The following RBFOX1 variants were observed in gnomAD, a reference collection of about 807,000 sequenced individuals.
RBFOX1 encodes the protein RNA binding protein fox-1 homolog 1.
A neutral mutation model predicts 57.7 loss-of-function variants in RBFOX1; 8 were observed. That is an observed-to-expected ratio of 0.14 (90% confidence interval 0.08 to 0.25). RBFOX1 has a LOEUF of 0.25. RBFOX1 is among the 10% of genes least tolerant of loss of function. The pLI is 1.00. For synonymous variants in RBFOX1, 326 were observed against 222.4 expected (o/e 1.47, Z -4.15); for missense variants, 611 against 548.5 (o/e 1.11, Z -1.14).
chr16:5,346,919 C>A (rs1028852874), intron 1 of RBFOX1, among the ~76,000 whole-genome samples: 2 of 152,138 alleles, frequency 1.3e-5, no homozygotes, highest in Non-Finnish European at 2.9e-5. Flanking sequence ...TCAGAATGGA[C>A]CCTGGCTTGT....
At chr16:7,226,359 T>TGCATTACACAGGTGG (rs2093120593) in intron 4 of RBFOX1, among the ~76,000 whole-genome samples, 1 of 152,206 alleles carries the variant, frequency 6.6e-6, no homozygotes, top group Admixed American at 6.5e-5. Context: ...AATGCCCACC[T>TGCATTACACAGGTGG]GAAGAGGGAA....
intron 4 of RBFOX1, among the ~76,000 whole-genome samples, chr16:5,960,101 C>T (rs184136621): frequency 1.1e-4 from 17 of 151,848 alleles, no homozygotes; most frequent in African/African-American, 2.7e-4. Context: ...CTTAGGAGGC[C>T]GAGACAGGAG....
chr16:6,417,707 T>TTTAA (rs1555463886), intron 2 of RBFOX1, among the ~76,000 whole-genome samples: 1 of 146,628 alleles, frequency 6.8e-6, no homozygotes, highest in East Asian at 2.0e-4. Flanking sequence ...CCTTTCTTTT[T>TTTAA]AAAAAAAAAA....
At chr16:7,489,272 G>A (rs1647679221) in intron 4 of RBFOX1, among the ~76,000 whole-genome samples, 1 of 152,104 alleles carries the variant, frequency 6.6e-6, no homozygotes, top group South Asian at 2.1e-4. Context: ...TAATGTAAAA[G>A]CAAGTTTTTG....
At chr16:5,270,226 A>C in intron 1 of RBFOX1, 2 of 513,088 alleles carry the variant, frequency 3.9e-6, no homozygotes, top group Non-Finnish European at 7.2e-6. Flanking sequence ...AAGGGAGTTA[A>C]GAAGAAAATA....
intron 3 of RBFOX1, among the ~76,000 whole-genome samples, chr16:6,918,778 G>A (rs775436291): frequency 1.3e-5 from 2 of 152,096 alleles, no homozygotes; most frequent in Non-Finnish European, 2.9e-5. Flanking sequence ...TTAATCTTGG[G>A]CATAGGAGTA....
chr16:7,707,768 C>A (rs960825554), intron 14 of RBFOX1, among the ~76,000 whole-genome samples: 2 of 152,178 alleles, frequency 1.3e-5, no homozygotes, highest in African/African-American at 4.8e-5. Context: ...CCTGCTGTAG[C>A]ATGAAACCCA....
chr16:6,417,980 T>TAAAA (rs1227740265), intron 2 of RBFOX1, among the ~76,000 whole-genome samples: 7 of 93,058 alleles, frequency 7.5e-5, no homozygotes, highest in South Asian at 6.4e-4. Context: ...AATTATTTTC[T>TAAAA]GAAAGAATGA....
chr16:7,235,856 A>G (rs1272568237), intron 4 of RBFOX1, among the ~76,000 whole-genome samples: 1 of 152,190 alleles, frequency 6.6e-6, no homozygotes, highest in Non-Finnish European at 1.5e-5. Context: ...GAAGGCTATT[A>G]ATCAATGAAG....
intron 4 of RBFOX1, among the ~76,000 whole-genome samples, chr16:5,956,075 A>C (rs2059632771): frequency 1.3e-5 from 2 of 152,092 alleles, no homozygotes; most frequent in African/African-American, 4.8e-5. Flanking sequence ...CAGGAGTTCA[A>C]GACCAGCCTG....
chr16:5,551,073 C>T lies in RBFOX1; in HGVS notation c.259-47829C>T, dbSNP rs1367218066. Among the ~76,000 whole-genome samples, 10 of 152,280 alleles carry T rather than the reference C, an allele frequency of 6.6e-5. No homozygotes were observed. The South Asian group carries it at 1.5e-3, about 22-fold the overall frequency. On this transcript the variant is annotated intron_variant, in intron 2 of 2. Coordinates refer to the RBFOX1 transcript ENST00000585867. ...AACCCTGGGTCCTAAATACCCACTG[C>T]ATGGTTCTTACTTGCTGGGAGGTTT...
chr16:5,396,683 T>C (rs543052182), intron 1 of RBFOX1, among the ~76,000 whole-genome samples: 8 of 152,228 alleles, frequency 5.3e-5, no homozygotes, highest in African/African-American at 1.9e-4. Context: ...AAGATCAAGA[T>C]TCAAGACCCC....
chr16:7,435,423 T>G (rs548865753), intron 4 of RBFOX1, among the ~76,000 whole-genome samples: 11 of 152,280 alleles, frequency 7.2e-5, no homozygotes, highest in African/African-American at 2.6e-4. Context: ...ATGTTCACCT[T>G]GGTCATCTGG....
chr16:5,637,677 A>G (rs2048727548), intron 3 of RBFOX1, among the ~76,000 whole-genome samples: 1 of 152,176 alleles, frequency 6.6e-6, no homozygotes, highest in Non-Finnish European at 1.5e-5. Context: ...TGATGAATCC[A>G]GTAGTTCCCC....
intron 4 of RBFOX1, among the ~76,000 whole-genome samples, chr16:7,509,925 C>T (rs2074533156): frequency 6.6e-6 from 1 of 150,510 alleles, no homozygotes; most frequent in South Asian, 2.1e-4. Flanking sequence ...AATCGCATTT[C>T]TAATGTTTTT....
At chr16:6,964,773 C>T (rs146862895) in intron 3 of RBFOX1, among the ~76,000 whole-genome samples, 1 of 152,156 alleles carries the variant, frequency 6.6e-6, no homozygotes, top group African/African-American at 2.4e-5. Context: ...TTAAGAACTT[C>T]TCAGCAGGGC....
At chr16:7,452,175 G>A (rs139365694) in intron 4 of RBFOX1, among the ~76,000 whole-genome samples, 3 of 152,226 alleles carry the variant, frequency 2.0e-5, no homozygotes, top group African/African-American at 7.2e-5. Flanking sequence ...GCAGGTGGCA[G>A]CTGTAAATAC....
At chr16:5,278,278 A>G (rs1156943368) in intron 1 of RBFOX1, among the ~76,000 whole-genome samples, 1 of 152,144 alleles carries the variant, frequency 6.6e-6, no homozygotes, top group Non-Finnish European at 1.5e-5. Flanking sequence ...ATTTTTTCAT[A>G]AACTTGGTGA....
At chr16:7,538,449 G>GTATTTTAT (rs2082073837) in intron 5 of RBFOX1, among the ~76,000 whole-genome samples, 1 of 152,086 alleles carries the variant, frequency 6.6e-6, no homozygotes. Context: ...CTATTATAGT[G>GTATTTTAT]TTGCTGTTAT....
Sources: gnomAD v4.1 joint callset for allele counts (sites outside exome capture counted in the v4.1 genomes callset) on GRCh38, gnomAD v4.1.1 for gene constraint, MANE v1.5 for transcripts, NCBI Gene and HGNC (gene_info 2026-07-23, HGNC 2026-07-21) for gene names.